The following GPCPD1 variants were observed in gnomAD, a reference collection of about 807,000 sequenced individuals.
GPCPD1 encodes the protein glycerophosphocholine phosphodiesterase GPCPD1.
GPCPD1 carries 29 observed loss-of-function variants against 89.2 expected under a neutral mutation model. The observed-to-expected ratio is 0.33, with a 90% CI of 0.24 to 0.44. The LOEUF is 0.44. Among genes scored for constraint, GPCPD1 ranks in the 20% least tolerant of loss-of-function variants. The pLI, the probability that GPCPD1 is intolerant of heterozygous loss-of-function variation, is 1.00. For synonymous variants in GPCPD1, 258 were observed against 266.3 expected (o/e 0.97, Z 0.30); for missense variants, 594 against 808.9 (o/e 0.73, Z 3.22).
Position 5,576,013 on chromosome 20 carries a change from T to C in GPCPD1, c.706-35A>G, listed in dbSNP as rs774724936. The C allele has an allele frequency of 9.2e-6, 12 of 1,297,308 alleles. No individual in the cohort carries two copies. In the South Asian group the frequency reaches 1.5e-4, roughly 16 times the overall value. The allele number at this position is 1,297,308 out of a possible 1,614,324, so 80.4% of individuals were successfully genotyped here. A position where few individuals can be genotyped will look rare whatever the true frequency, so the allele number is the denominator to read the frequency against. On this transcript the variant is annotated intron_variant, in intron 8 of 19. Coordinates refer to ENST00000379019, the MANE Select transcript of GPCPD1 (RefSeq NM_019593.5). The stretch of plus-strand genomic sequence containing the variant: ...TGAGATTTAAAATAATCTTAATTTT[T>C]AAACTTCTACATTACATACATACAT...
chr20:5,595,637 T>C lies in GPCPD1; in HGVS notation c.147-2226A>G, dbSNP rs188930666. The stretch of plus-strand genomic sequence containing the variant: ...GCCTGGGTGACAGAGTGAGATTCCA[T>C]CTCAAAACAAAAACAAAAACAAAAA... On this transcript the variant is annotated intron_variant, in intron 3 of 19. Transcript: ENST00000379019. Among the ~76,000 whole-genome samples the C allele has an allele frequency of 7.6e-3, 1,078 of 142,300 alleles. 12 individuals carry two copies. Among genetic ancestry groups the C allele is most frequent in the African/African-American group, 0.029 (991 of 34,492 alleles). The allele number at this position is 142,300 out of a possible 152,430, so 93.4% of individuals were successfully genotyped here.
rs1192404380 is a variant in GPCPD1 at position 5,549,260 on chromosome 20, C to A, written c.1830-1410G>T. On this transcript the variant is annotated intron_variant, in intron 19 of 19. Transcript: ENST00000379019. The stretch of plus-strand genomic sequence containing the variant: ...GTCTTATTGGAGAATCTTTTGATGA[C>A]TCAGTGATGATATATGTGCAGCTGT... 6.1e-6 allele frequency: 5 copies of A among 822,780 alleles called. No homozygotes were observed. In the South Asian group the frequency reaches 6.6e-5, roughly 11 times the overall value. 51.0% of individuals were successfully genotyped at this position (822,780 alleles called of 1,614,324 possible).
intron 3 of GPCPD1, among the ~76,000 whole-genome samples, chr20:5,596,186 C>T (rs1181528014): frequency 3.3e-5 from 5 of 152,052 alleles, no homozygotes; most frequent in Non-Finnish European, 7.4e-5. Context: ...GCAGCTTGAG[C>T]CAGGAGTTCA....
chr20:5,549,491 T>C, intron 19 of GPCPD1: 1 of 1,171,224 alleles, frequency 8.5e-7, no homozygotes, highest in Non-Finnish European at 1.3e-6. Context: ...AGAAGACACC[T>C]TCTGAGTATT....
chr20:5,600,541 A>G (rs1206539151), intron 2 of GPCPD1, among the ~76,000 whole-genome samples: 1 of 151,932 alleles, frequency 6.6e-6, no homozygotes, highest in Non-Finnish European at 1.5e-5. Context: ...ATAAAAAATT[A>G]GCTGGGTGCA....
intron 5 of GPCPD1, 173 bp from the exon 6 acceptor site, chr20:5,584,495 A>G: frequency 6.7e-6 from 3 of 449,086 alleles, no homozygotes; most frequent in Non-Finnish European, 1.2e-5. Context: ...TTCCCTTTAA[A>G]GGAGGCTAGC....
intron 2 of GPCPD1, among the ~76,000 whole-genome samples, chr20:5,600,504 C>A (rs1980051699): frequency 6.6e-6 from 1 of 151,930 alleles, no homozygotes; most frequent in African/African-American, 2.4e-5. Context: ...GCCTGGACAA[C>A]ATGGTGAAAC....
At chr20:5,573,081 TCCTTC>T (rs959931622) in intron 11 of GPCPD1, among the ~76,000 whole-genome samples, 3 of 128,930 alleles carry the variant, frequency 2.3e-5, no homozygotes, top group Non-Finnish European at 5.0e-5. Context: ...ATCAAATCTT[TCCTTC>T]TTTTTTTTTT....
intron 7 of GPCPD1, 85 bp downstream of exon 7, chr20:5,579,923 A>G: frequency 1.3e-6 from 1 of 795,576 alleles, no homozygotes; most frequent in East Asian, 2.5e-5. Flanking sequence ...CAAACTGTAC[A>G]CTTAAAGGCT....
chr20:5,548,145 C>G (rs982858515), intron 19 of GPCPD1: 2 of 187,886 alleles, frequency 1.1e-5, no homozygotes, highest in African/African-American at 4.7e-5. Context: ...TACTTGTGAT[C>G]TAGCTTAAAG....
chr20:5,549,216 T>G, intron 19 of GPCPD1: 1 of 709,468 alleles, frequency 1.4e-6, no homozygotes, highest in Non-Finnish European at 2.6e-6. Flanking sequence ...CAATCACTTT[T>G]GGCTAGAGAC....
Position 5,595,050 on chromosome 20 carries a change from C to T in GPCPD1, c.147-1639G>A, listed in dbSNP as rs908388101. Among the ~76,000 whole-genome samples the T allele has an allele frequency of 2.0e-5, 3 of 152,172 alleles. No individual in the cohort carries two copies. The East Asian group carries it at 5.8e-4, about 29-fold the overall frequency. On this transcript the variant is annotated intron_variant, in intron 3 of 19. Transcript: ENST00000379019. ...TTAAGAAATTGACACTGTCCTTCAA[C>T]CTTCAGCAACCACGACTCTGATCAG... is the stretch of plus-strand genomic sequence containing the variant.
In GPCPD1 at chr20:5,567,013, T is replaced by C. The variant is rs139978603; in HGVS notation, c.1228-241A>G. Among the ~76,000 whole-genome samples the C allele has an allele frequency of 3.3e-5, 5 of 152,268 alleles. No homozygotes were observed. In the East Asian group the frequency reaches 7.7e-4, roughly 23 times the overall value. On this transcript the variant is annotated intron_variant, in intron 13 of 19. Transcript: ENST00000379019. ...AAATTCTTCACTAGATAACTGTTAA[T>C]AGGGAATCATGCATTTATTTAGGTT... is the stretch of plus-strand genomic sequence containing the variant.
At chr20:5,549,275 T>A in intron 19 of GPCPD1, 1 of 866,454 alleles carries the variant, frequency 1.2e-6, no homozygotes, top group Non-Finnish European at 1.9e-6. Flanking sequence ...TGATGATATA[T>A]GTGCAGCTGT....
rs551134260 is a variant in GPCPD1 at position 5,604,617 on chromosome 20, G to T, written c.-28-177C>A. Among the ~76,000 whole-genome samples the T allele has an allele frequency of 5.2e-4, 39 of 75,034 alleles. 2 individuals carry two copies. Among genetic ancestry groups the T allele is most frequent in the African/African-American group, 2.1e-3 (38 of 18,106 alleles). 49.2% of individuals were successfully genotyped at this position (75,034 alleles called of 152,430 possible). A position where few individuals can be genotyped will look rare whatever the true frequency, so the allele number is the denominator to read the frequency against. On this transcript the variant is annotated intron_variant, in intron 1 of 19. Transcript: ENST00000379019. ...TTTTAAAGTAACTTTAGTGCGGGGG[G>T]GGGGGGGCGGGAAAGAAACAAGTGA...
intron 15 of GPCPD1, among the ~76,000 whole-genome samples, chr20:5,564,646 T>TGCGCAACAAGGTGAGACCATCTC (rs1410282401): frequency 6.6e-6 from 1 of 152,142 alleles, no homozygotes; most frequent in African/African-American, 2.4e-5. Flanking sequence ...GAGACCAGCC[T>TGCGCAACAAGGTGAGACCATCTC]GCGCAACAAG....
At chr20:5,574,659 G>A (rs551976817) in intron 10 of GPCPD1, among the ~76,000 whole-genome samples, 3 of 152,264 alleles carry the variant, frequency 2.0e-5, no homozygotes, top group African/African-American at 7.2e-5. Flanking sequence ...AATGGCTTGA[G>A]CTCCGGAAAT....
chr20:5,573,326 T>C lies in GPCPD1; in HGVS notation c.1056+589A>G, dbSNP rs576059547. ...GTCTTGAACTCCCAACCTCAGGTGA[T>C]CTGCCCATCTCGGCCTCCCAAAGTG... On this transcript the variant is annotated intron_variant, in intron 11 of 19. Transcript: ENST00000379019. Among the ~76,000 whole-genome samples the C allele has an allele frequency of 1.3e-3, 201 of 152,290 alleles. 2 individuals carry two copies. Among genetic ancestry groups the C allele is most frequent in the African/African-American group, 4.6e-3 (191 of 41,558 alleles).
At chr20:5,588,377 C>T (rs1329021953) in intron 4 of GPCPD1, among the ~76,000 whole-genome samples, 2 of 151,720 alleles carry the variant, frequency 1.3e-5, no homozygotes, top group African/African-American at 4.8e-5. Context: ...TGGTGGCACA[C>T]AACTGTAGTC....
Sources: gnomAD v4.1 joint callset for allele counts (sites outside exome capture counted in the v4.1 genomes callset) on GRCh38, gnomAD v4.1.1 for gene constraint, MANE v1.5 for transcripts, NCBI Gene and HGNC (gene_info 2026-07-23, HGNC 2026-07-21) for gene names.